NEXMIF: variants seen among roughly 807,000 people sequenced by gnomAD.
NEXMIF encodes neurite extension and migration factor, also known as XLMR protein related to neurite extension.
A neutral mutation model predicts 62.1 loss-of-function variants in NEXMIF; 8 were observed. The observed-to-expected ratio is 0.13, with a 90% confidence interval of 0.08 to 0.23. NEXMIF has a LOEUF of 0.23. NEXMIF is among the 10% of genes least tolerant of loss of function. The pLI, the probability that NEXMIF is intolerant of heterozygous loss-of-function variation, is 1.00. For synonymous variants in NEXMIF, 404 were observed against 416.6 expected (o/e 0.97, Z 0.37); for missense variants, 976 against 1,113.3 (o/e 0.88, Z 1.75).
chrX:74,743,000 A>G lies in NEXMIF; in HGVS notation c.1557T>C (p.Asp519=), dbSNP rs781742366. ...TCTTTTTGGGACACCATTCATCATC[A>G]TCTTCCTCTTTGGAACCAACTGGCA... is the stretch of plus-strand genomic sequence containing the variant. ...EWLPVGSKEE[D]DDEWCPKKRR... The change falls in exon 3 of 4, where the codon GAT becomes GAC. Residue 519 remains aspartate (D), a synonymous_variant. Coordinates refer to ENST00000055682, the MANE Select transcript of NEXMIF (RefSeq NM_001008537.3). 1.5e-5 allele frequency: 18 copies of G among 1,209,453 alleles called. No homozygotes were observed. The highest frequency in any genetic ancestry group is 1.9e-5 in the Non-Finnish European group (17 of 895,142).
chrX:74,740,064 G>C lies in NEXMIF; in HGVS notation c.4457+36C>G. On this transcript the variant is annotated intron_variant, in intron 3 of 3. Transcript: ENST00000055682. Reference sequence around the variant, plus strand: ...GCTTAGTAGGTAGTAGGAGAGCTAAGGGTGCATCATCTCAGCCATACTGGT... The same window carrying C: ...GCTTAGTAGGTAGTAGGAGAGCTAACGGTGCATCATCTCAGCCATACTGGT... 4 of 1,165,731 alleles carry C rather than the reference G, an allele frequency of 3.4e-6. No homozygotes were observed. In the East Asian group the frequency reaches 9.0e-5, roughly 26 times the overall value.
rs970194861 is a variant in NEXMIF, at chrX:74,842,035, A to T, written c.-48+82848T>A. 3.6e-5 allele frequency among the ~76,000 whole-genome samples: 4 copies of T among 111,696 alleles called. No homozygotes were observed. In the Admixed American group the frequency reaches 3.8e-4, roughly 11 times the overall value. ...GAGATCTTCCTCCTCAACTTTTTGG[A>T]ATAGTTTCTGTGAGAATAGTACCAG... On this transcript the variant is annotated intron_variant, in intron 1 of 3. Coordinates refer to ENST00000055682, the MANE Select transcript of NEXMIF (RefSeq NM_001008537.3).
At chrX:74,869,100 C>T (rs1341212963) in intron 1 of NEXMIF, among the ~76,000 whole-genome samples, 2 of 111,180 alleles carry the variant, frequency 1.8e-5, no homozygotes. Context: ...TAGCAAAGTT[C>T]AACAAAACAT....
intron 1 of NEXMIF, among the ~76,000 whole-genome samples, chrX:74,802,110 G>A (rs756236265): frequency 7.6e-4 from 85 of 112,237 alleles, no homozygotes; most frequent in South Asian, 2.3e-3. Flanking sequence ...AGCACCTCTG[G>A]ACCTGCCTGG....
chrX:74,822,818 G>A (rs2080401532), intron 1 of NEXMIF, among the ~76,000 whole-genome samples: 2 of 112,036 alleles, frequency 1.8e-5, no homozygotes, highest in Admixed American at 1.9e-4. Flanking sequence ...AAACAGTTTG[G>A]TAATTTCTTA....
At chrX:74,852,679 A>T (rs1029435705) in intron 1 of NEXMIF, among the ~76,000 whole-genome samples, 1 of 112,189 alleles carries the variant, frequency 8.9e-6, no homozygotes, top group African/African-American at 3.2e-5. Flanking sequence ...AAATTAAACA[A>T]CATGCTCCTG....
chrX:74,772,275 CCACTACAGTGT>C (rs1269855750), intron 1 of NEXMIF, among the ~76,000 whole-genome samples: 1 of 112,443 alleles, frequency 8.9e-6, no homozygotes, highest in Non-Finnish European at 1.9e-5. Context: ...TCAAGCTCCT[CCACTACAGTGT>C]GGATGGTTTC....
At position 74,777,275 on chromosome X, in the gene NEXMIF, G is replaced by A. The variant is rs12846645; in HGVS notation, c.-47-31578C>T. ...ATTATAGGCCAATATGCTCAGGTCAGAATAGACATTTTTGACCCTGTTTAA... is the reference window on the plus strand; with the variant it reads ...ATTATAGGCCAATATGCTCAGGTCAAAATAGACATTTTTGACCCTGTTTAA... On this transcript the variant is annotated intron_variant, in intron 1 of 3. Transcript: ENST00000055682. 3.3e-3 allele frequency among the ~76,000 whole-genome samples: 364 copies of A among 111,348 alleles called. 2 individuals carry two copies. Among genetic ancestry groups the A allele is most frequent in the African/African-American group, 0.011 (349 of 30,683 alleles).
rs142702464 is a variant in NEXMIF at position 74,892,612 on chromosome X, T to A, written c.-48+32271A>T. ...TGCTGCCTCTAATTCAATTTCTTCATCAAAGCTCAGATCCACAGAACAATG... is the reference window on the plus strand; with the variant it reads ...TGCTGCCTCTAATTCAATTTCTTCAACAAAGCTCAGATCCACAGAACAATG... On this transcript the variant is annotated intron_variant, in intron 1 of 3. Coordinates refer to ENST00000055682, the MANE Select transcript of NEXMIF (RefSeq NM_001008537.3). 4.4e-5 allele frequency among the ~76,000 whole-genome samples: 5 copies of A among 112,403 alleles called. No homozygotes were observed. In the East Asian group the frequency reaches 1.4e-3, roughly 32 times the overall value.
intron 1 of NEXMIF, among the ~76,000 whole-genome samples, chrX:74,818,883 C>A (rs1344655515): frequency 9.0e-6 from 1 of 111,562 alleles, no homozygotes; most frequent in African/African-American, 3.3e-5. Flanking sequence ...TAGAGAAATG[C>A]AAATCAAAAC....
chrX:74,788,137 A>G (rs1569343018), intron 1 of NEXMIF, among the ~76,000 whole-genome samples: 1 of 111,907 alleles, frequency 8.9e-6, no homozygotes, highest in Non-Finnish European at 1.9e-5. Context: ...TCAATCTGGA[A>G]TCAAGTATTT....
At chrX:74,852,878 C>T (rs998613875) in intron 1 of NEXMIF, among the ~76,000 whole-genome samples, 6 of 110,949 alleles carry the variant, frequency 5.4e-5, no homozygotes, top group Non-Finnish European at 1.9e-5. Flanking sequence ...TCTAATGATG[C>T]ACCCCAAGTA....
intron 1 of NEXMIF, among the ~76,000 whole-genome samples, chrX:74,758,863 T>C (rs1347705843): frequency 8.9e-6 from 1 of 112,349 alleles, no homozygotes; most frequent in East Asian, 2.8e-4. Context: ...GCAATGAACA[T>C]ATGTATGCAT....
intron 1 of NEXMIF, among the ~76,000 whole-genome samples, chrX:74,791,147 T>A (rs1319275335): frequency 3.4e-4 from 38 of 111,253 alleles, no homozygotes; most frequent in South Asian, 1.9e-3. Context: ...TTGAAATACG[T>A]CCCATCAATA....
At chrX:74,876,473 T>C (rs1021125268) in intron 1 of NEXMIF, among the ~76,000 whole-genome samples, 10 of 111,108 alleles carry the variant, frequency 9.0e-5, no homozygotes, top group African/African-American at 3.3e-4. Flanking sequence ...TTCTGTGGAT[T>C]TGGGGTGGAG....
At chrX:74,911,631 C>T (rs1280590591) in intron 1 of NEXMIF, among the ~76,000 whole-genome samples, 1 of 112,271 alleles carries the variant, frequency 8.9e-6, no homozygotes, top group Non-Finnish European at 1.9e-5. Flanking sequence ...TTTCTCTTTA[C>T]AGCCTAACTC....
intron 1 of NEXMIF, among the ~76,000 whole-genome samples, chrX:74,789,644 C>G: frequency 9.0e-6 from 1 of 110,596 alleles, no homozygotes; most frequent in South Asian, 3.9e-4. Flanking sequence ...CTGTTGTTTC[C>G]TGACTTTTTA....
At chrX:74,856,967 G>A (rs1460843947) in intron 1 of NEXMIF, among the ~76,000 whole-genome samples, 2 of 112,432 alleles carry the variant, frequency 1.8e-5, no homozygotes, top group Non-Finnish European at 3.8e-5. Flanking sequence ...GAGAACGCAT[G>A]TAGAGCAGCC....
rs1181632862 is a variant in NEXMIF, at chrX:74,740,857, C to T, written c.3700G>A (p.Gly1234Arg). The change falls in exon 3 of 4, where the codon GGA becomes AGA. Residue 1234 changes from glycine to arginine, a missense_variant. By Grantham distance (125) the Gly-to-Arg change is moderately radical (BLOSUM62 -2). This residue lies in a region of NEXMIF where 639 missense variants were observed against 694.5 expected (regional missense o/e 0.92). Transcript: ENST00000055682. The part of the protein sequence containing the change: ...KKGKYMAAIN[G>R]EKMQIGIGRG... ...CCAATGCCAATTTGCATTTTCTCTC[C>T]ATTGATGGCAGCCATGTATTTCCCT... 8.3e-7 allele frequency: 1 copy of T among 1,211,990 alleles called. No homozygotes were observed. The highest frequency in any genetic ancestry group is 1.1e-6 in the Non-Finnish European group (1 of 895,570).
Sources: gnomAD v4.1 joint callset for allele counts (sites outside exome capture counted in the v4.1 genomes callset) on GRCh38, gnomAD v4.1.1 for gene constraint, gnomAD v4.1.1 regional missense constraint, MANE v1.5 for transcripts, NCBI Gene and HGNC (gene_info 2026-07-23, HGNC 2026-07-21) for gene names.